Variants in AKAP6 observed in about 807,000 individuals in gnomAD.
AKAP6 encodes A-kinase anchor protein 6.
In AKAP6, 58 loss-of-function variants were observed where a neutral mutation model predicts 188.5. The ratio of observed to expected loss-of-function variants is 0.31; its 90% CI spans 0.25 to 0.38. AKAP6 has a LOEUF of 0.38. AKAP6 is among the 10% of genes least tolerant of loss of function. AKAP6 has a pLI of 1.00. For synonymous variants in AKAP6, 989 were observed against 998.6 expected, an observed-to-expected ratio of 0.99 and a Z score of 0.18; for missense variants, 2,710 against 2,740.0, an observed-to-expected ratio of 0.99 and a Z score of 0.24.
chr14:32,605,548 G>C (rs1366336829), intron 7 of AKAP6, among the ~76,000 whole-genome samples: 1 of 152,174 alleles, frequency 6.6e-6, no homozygotes, highest in Non-Finnish European at 1.5e-5. Flanking sequence ...AAGCCAGAGT[G>C]AGGTCTCTAT....
intron 2 of AKAP6, among the ~76,000 whole-genome samples, chr14:32,505,736 T>A (rs1019615088): frequency 3.3e-5 from 5 of 152,214 alleles, no homozygotes; most frequent in Non-Finnish European, 7.3e-5. Flanking sequence ...AGTTAAGAAG[T>A]CATACGGTAT....
In AKAP6 at chr14:32,510,891, C is replaced by T. The variant is rs982475063; in HGVS notation, c.325-24663C>T. ...CCTTACTGTTTGGATTCTGTGATAA[C>T]ACCGAGGGCTCCTTGGGGTCACTGA... On this transcript the variant is annotated intron_variant, in intron 2 of 13. Transcript: ENST00000280979. Among the ~76,000 whole-genome samples, 5 of 152,110 alleles carry T rather than the reference C, an allele frequency of 3.3e-5. No individual in the cohort carries two copies. In the East Asian group the frequency reaches 9.7e-4, roughly 29 times the overall value.
chr14:32,732,381 A>G, intron 9 of AKAP6, 73 bp from the exon 10 acceptor site: 1 of 1,519,122 alleles, frequency 6.6e-7, no homozygotes, highest in Middle Eastern at 1.8e-4. Context: ...TAAGCATCAC[A>G]AATTCTGTGT....
intron 2 of AKAP6, among the ~76,000 whole-genome samples, chr14:32,519,778 A>G (rs1881722032): frequency 6.6e-6 from 1 of 152,200 alleles, no homozygotes; most frequent in Non-Finnish European, 1.5e-5. Flanking sequence ...TCAACATTAG[A>G]CAGATCAACG....
At chr14:32,758,500 G>A (rs1175723996) in intron 11 of AKAP6, among the ~76,000 whole-genome samples, 3 of 152,328 alleles carry the variant, frequency 2.0e-5, no homozygotes, top group South Asian at 2.1e-4. Flanking sequence ...TTGGGAGGCC[G>A]AGGCGGGCAG....
chr14:32,799,091 G>T (rs974266745), intron 12 of AKAP6, among the ~76,000 whole-genome samples: 2 of 152,060 alleles, frequency 1.3e-5, no homozygotes, highest in African/African-American at 4.8e-5. Context: ...ATATATTTTT[G>T]CTTAGTAAAC....
intron 9 of AKAP6, among the ~76,000 whole-genome samples, chr14:32,701,767 C>T (rs912148099): frequency 6.6e-6 from 1 of 152,016 alleles, no homozygotes; most frequent in African/African-American, 2.4e-5. Context: ...TTATTTTGTT[C>T]TGGACCAAAT....
chr14:32,502,025 C>T (rs1052340932), intron 2 of AKAP6, among the ~76,000 whole-genome samples: 2 of 152,028 alleles, frequency 1.3e-5, no homozygotes, highest in African/African-American at 4.8e-5. Context: ...TTTGAGTGGG[C>T]CTTTTCCTTC....
chr14:32,531,008 T>G (rs1882389211), intron 2 of AKAP6, among the ~76,000 whole-genome samples: 1 of 152,234 alleles, frequency 6.6e-6, no homozygotes, highest in African/African-American at 2.4e-5. Flanking sequence ...AGAAGATTCC[T>G]GTCTCATTGA....
At chr14:32,827,683 A>G (rs1281424612) in intron 13 of AKAP6, among the ~76,000 whole-genome samples, 3 of 152,196 alleles carry the variant, frequency 2.0e-5, no homozygotes, top group Non-Finnish European at 4.4e-5. Flanking sequence ...ATAGATCCAG[A>G]TCTTTCTGCC....
chr14:32,566,503 CT>C (rs1884192760), intron 4 of AKAP6, among the ~76,000 whole-genome samples: 1 of 152,106 alleles, frequency 6.6e-6, no homozygotes, highest in Non-Finnish European at 1.5e-5. Flanking sequence ...CTTTATGTTG[CT>C]CTGAACCCTT....
At chr14:32,688,970 T>C (rs1890048605) in intron 8 of AKAP6, among the ~76,000 whole-genome samples, 1 of 152,208 alleles carries the variant, frequency 6.6e-6, no homozygotes, top group African/African-American at 2.4e-5. Flanking sequence ...GGTAATCCTT[T>C]TATGAAATGG....
intron 9 of AKAP6, among the ~76,000 whole-genome samples, chr14:32,709,457 C>T (rs369920626): frequency 3.3e-5 from 5 of 151,990 alleles, no homozygotes; most frequent in African/African-American, 1.2e-4. Flanking sequence ...TGATTTGAAT[C>T]ACCTACTTAA....
At chr14:32,507,254 A>T (rs547119005) in intron 2 of AKAP6, among the ~76,000 whole-genome samples, 1 of 152,320 alleles carries the variant, frequency 6.6e-6, no homozygotes, top group Non-Finnish European at 1.5e-5. Context: ...ACCTGTTCCA[A>T]AATTTGTAGT....
intron 5 of AKAP6, among the ~76,000 whole-genome samples, chr14:32,581,084 G>A (rs906920929): frequency 6.6e-6 from 1 of 152,122 alleles, no homozygotes; most frequent in African/African-American, 2.4e-5. Flanking sequence ...GGGATGGCTG[G>A]GTCAAGTGGT....
At chr14:32,765,591 T>A (rs898190166) in intron 11 of AKAP6, among the ~76,000 whole-genome samples, 6 of 152,178 alleles carry the variant, frequency 3.9e-5, no homozygotes, top group Non-Finnish European at 7.3e-5. Flanking sequence ...GACACTGCAT[T>A]ATTTTTATCA....
At chr14:32,637,789 A>T (rs540369063) in intron 7 of AKAP6, among the ~76,000 whole-genome samples, 1 of 152,070 alleles carries the variant, frequency 6.6e-6, no homozygotes. Context: ...TTTACATTCT[A>T]GATATGGCAA....
intron 7 of AKAP6, among the ~76,000 whole-genome samples, chr14:32,652,288 A>G (rs1030127737): frequency 6.6e-6 from 1 of 152,076 alleles, no homozygotes; most frequent in Non-Finnish European, 1.5e-5. Context: ...TTGTTCCCAA[A>G]TGGGAGCCAC....
intron 12 of AKAP6, among the ~76,000 whole-genome samples, chr14:32,802,145 G>A (rs1027911770): frequency 1.3e-5 from 2 of 152,046 alleles, no homozygotes; most frequent in Non-Finnish European, 2.9e-5. Flanking sequence ...CACAGTTCTT[G>A]GGATATTTTA....
Sources: gnomAD v4.1 joint callset for allele counts (sites outside exome capture counted in the v4.1 genomes callset) on GRCh38, gnomAD v4.1.1 for gene constraint, MANE v1.5 for transcripts, NCBI Gene and HGNC (gene_info 2026-07-23, HGNC 2026-07-21) for gene names.